CTIF: variants seen among roughly 807,000 people sequenced by gnomAD.
CTIF encodes the protein CBP80/20-dependent translation initiation factor.
In CTIF, 21 loss-of-function variants were observed where a neutral mutation model predicts 66.0. The observed-to-expected ratio is 0.32, with a 90% confidence interval of 0.23 to 0.46. CTIF has a LOEUF of 0.46. Among genes scored for constraint, CTIF ranks in the 20% least tolerant of loss-of-function variants. The pLI is 1.00. For synonymous variants in CTIF, 345 were observed against 326.4 expected, an observed-to-expected ratio of 1.06 and a Z score of -0.62; for missense variants, 739 against 812.7, an observed-to-expected ratio of 0.91 and a Z score of 1.10.
At chr18:48,849,479 T>C (rs2069150512) in intron 10 of CTIF, among the ~76,000 whole-genome samples, 2 of 152,002 alleles carry the variant, frequency 1.3e-5, no homozygotes, top group Admixed American at 6.6e-5. Flanking sequence ...ATTACAGGCA[T>C]GAGCCACCCC....
At chr18:48,825,750 G>A (rs1323203132) in intron 10 of CTIF, among the ~76,000 whole-genome samples, 1 of 152,224 alleles carries the variant, frequency 6.6e-6, no homozygotes, top group Non-Finnish European at 1.5e-5. Flanking sequence ...CTGATGGGGA[G>A]CAGAGATTTG....
chr18:48,806,948 G>A (rs2068159935), intron 9 of CTIF, among the ~76,000 whole-genome samples: 1 of 152,188 alleles, frequency 6.6e-6, no homozygotes, highest in African/African-American at 2.4e-5. Flanking sequence ...TTGCTGGGAG[G>A]TAGCCTGCCA....
intron 7 of CTIF, among the ~76,000 whole-genome samples, chr18:48,750,329 G>GCTTGA (rs1209762772): frequency 4.6e-5 from 7 of 152,262 alleles, no homozygotes; most frequent in Non-Finnish European, 7.3e-5. Context: ...ATTTCCAGTG[G>GCTTGA]GGTTGAGGGG....
chr18:48,664,508 C>G lies in CTIF; in HGVS notation c.388C>G (p.Arg130Gly), dbSNP rs1424086386. 5 of 1,613,210 alleles carry G rather than the reference C, an allele frequency of 3.1e-6. No individual in the cohort carries two copies. Among genetic ancestry groups the G allele is most frequent in the Non-Finnish European group, 3.4e-6 (4 of 1,179,980 alleles). ...LDFTQFHRKV[R>G]HTPKQPLPHI... ...CTTCACCCAGTTCCACCGCAAAGTC[C>G]GACACACGCCCAAGCAGCCCCTGCC... The change falls in exon 5 of 12, where the codon CGA becomes GGA. Residue 130 changes from arginine to glycine, a missense_variant. This residue lies in a region of CTIF where 529 missense variants were observed against 520.3 expected (regional missense o/e 1.02). Transcript: ENST00000256413.
intron 7 of CTIF, among the ~76,000 whole-genome samples, chr18:48,721,450 C>T (rs1220187052): frequency 2.6e-5 from 4 of 152,194 alleles, no homozygotes; most frequent in African/African-American, 9.7e-5. Context: ...TAACACCCAA[C>T]CCTTCATTCC....
intron 6 of CTIF, among the ~76,000 whole-genome samples, chr18:48,699,767 G>T (rs764588773): frequency 1.3e-5 from 2 of 152,196 alleles, no homozygotes; most frequent in African/African-American, 4.8e-5. Flanking sequence ...TCTGATATGC[G>T]TATGCTTCTT....
At position 48,664,471 on chromosome 18, in the gene CTIF, G is replaced by A. The variant is rs2091400958; in HGVS notation, c.351G>A (p.Pro117=). 22 of 1,613,548 alleles carry A rather than the reference G, an allele frequency of 1.4e-5. No individual in the cohort carries two copies. The highest frequency in any genetic ancestry group is 1.6e-4 in the Middle Eastern group (1 of 6,082). ...SFSGATWDLQ[P]EKLDFTQFHR... ...GTGGTGCCACCTGGGACCTGCAGCC[G>A]GAAAAGCTGGACTTCACCCAGTTCC... Residue 117 remains proline (P), a synonymous_variant, in exon 5 of 12, where the codon CCG becomes CCA. Transcript: ENST00000256413.
At chr18:48,711,591 G>A in intron 6 of CTIF, 28 bp from the exon 7 acceptor site, 6 of 1,594,888 alleles carry the variant, frequency 3.8e-6, no homozygotes, top group Non-Finnish European at 5.2e-6. Context: ...AGTTACTAAT[G>A]ATCCCCCTTC....
At chr18:48,787,462 A>G (rs942337579) in intron 9 of CTIF, among the ~76,000 whole-genome samples, 3 of 152,142 alleles carry the variant, frequency 2.0e-5, no homozygotes, top group Non-Finnish European at 4.4e-5. Flanking sequence ...TTAGTCAATC[A>G]TCTGCCTGCA....
intron 2 of CTIF, among the ~76,000 whole-genome samples, chr18:48,621,992 C>G (rs1234291442): frequency 6.6e-6 from 1 of 152,182 alleles, no homozygotes; most frequent in African/African-American, 2.4e-5. Context: ...GCTCCTGCAG[C>G]ACAGCTGTGG....
chr18:48,807,084 G>A (rs1248194680), intron 9 of CTIF, among the ~76,000 whole-genome samples: 1 of 152,204 alleles, frequency 6.6e-6, no homozygotes. Context: ...GCTTGTTTCG[G>A]TTGGCAGAAA....
rs957818855 is a variant in CTIF at position 48,761,769 on chromosome 18, G to A, written c.1371+80G>A. ...GAGTTATTCCTAGCGAGAAGGCTGC[G>A]AGTTCTGGCCACAGTTGGACTTTTC... On this transcript the variant is annotated intron_variant, in intron 9 of 11. Transcript: ENST00000256413. The surrounding 1 kb of genome is among the most constrained non-coding windows in gnomAD (Gnocchi z 4.2). The A allele has an allele frequency of 3.3e-5, 46 of 1,379,974 alleles. No individual in the cohort carries two copies. The highest frequency in any genetic ancestry group is 6.0e-5 in the Admixed American group (3 of 49,598). The allele number at this position is 1,379,974 out of a possible 1,614,324, so 85.5% of individuals were successfully genotyped here. A position where few individuals can be genotyped will look rare whatever the true frequency, so the allele number is the denominator to read the frequency against.
intron 1 of CTIF, among the ~76,000 whole-genome samples, chr18:48,562,392 C>A (rs75546457): frequency 0.071 from 10,766 of 152,282 alleles, 473 homozygotes; most frequent in South Asian, 0.1. Context: ...CTAGAGTTTG[C>A]CTTCTTATCC....
intron 6 of CTIF, among the ~76,000 whole-genome samples, chr18:48,672,724 A>G (rs571997962): frequency 6.6e-6 from 1 of 152,184 alleles, no homozygotes. Context: ...GCACCCCAGA[A>G]GAAGAGGGGC....
intron 9 of CTIF, among the ~76,000 whole-genome samples, chr18:48,799,792 G>A (rs547489847): frequency 9.8e-5 from 15 of 152,296 alleles, no homozygotes; most frequent in Admixed American, 2.0e-4. Context: ...TACACACTGA[G>A]GGCCTCCAGG....
At chr18:48,822,828 GT>G (rs964870162) in intron 10 of CTIF, among the ~76,000 whole-genome samples, 4 of 151,564 alleles carry the variant, frequency 2.6e-5, no homozygotes, top group Non-Finnish European at 5.9e-5. Flanking sequence ...TTTGTCTTTT[GT>G]TTTTTTTGCT....
At chr18:48,839,217 C>T (rs1211822435) in intron 10 of CTIF, among the ~76,000 whole-genome samples, 2 of 152,196 alleles carry the variant, frequency 1.3e-5, no homozygotes, top group Non-Finnish European at 2.9e-5. Context: ...CTCAGTCTCA[C>T]CCTGCCACCC....
intron 7 of CTIF, among the ~76,000 whole-genome samples, chr18:48,733,916 C>T (rs79952465): frequency 1.0e-3 from 152 of 152,324 alleles, no homozygotes; most frequent in African/African-American, 3.0e-3. Context: ...GCTTTCCAGC[C>T]GGAGAATGCT....
At chr18:48,666,353 C>T (rs78004144) in intron 5 of CTIF, among the ~76,000 whole-genome samples, 1,817 of 152,206 alleles carry the variant, frequency 0.012, 14 homozygotes, top group Middle Eastern at 0.041. Context: ...AGCAACAACC[C>T]GTGGAAAGAA....
Sources: gnomAD v4.1 joint callset for allele counts (sites outside exome capture counted in the v4.1 genomes callset) on GRCh38, gnomAD v4.1.1 for gene constraint, gnomAD v4.1.1 regional missense constraint, Gnocchi (gnomAD v3.1) non-coding constraint, MANE v1.5 for transcripts, NCBI Gene and HGNC (gene_info 2026-07-23, HGNC 2026-07-21) for gene names.